The following DPF2 variants were observed in gnomAD, a reference collection of about 807,000 sequenced individuals.
DPF2 encodes the protein double PHD fingers 2, also known as zinc finger protein ubi-d4.
A neutral mutation model predicts 59.6 loss-of-function variants in DPF2; 10 were observed. The ratio of observed to expected loss-of-function variants is 0.17; its 90% CI spans 0.10 to 0.28. The LOEUF (loss-of-function observed/expected upper bound fraction) is 0.28, where lower values mean the gene tolerates loss of function less well. Among genes scored for constraint, DPF2 ranks in the 10% least tolerant of loss-of-function variants. The probability of loss-of-function intolerance (pLI) is 1.00; values close to 1 mark genes in which losing one functional copy is unlikely to be tolerated. For synonymous variants in DPF2, 189 were observed against 190.6 expected, an observed-to-expected ratio of 0.99 and a Z score of 0.07; for missense variants, 315 against 509.4, an observed-to-expected ratio of 0.62 and a Z score of 3.67.
chr11:65,342,389 G>A (rs1033485778), intron 4 of DPF2, among the ~76,000 whole-genome samples: 5 of 151,360 alleles, frequency 3.3e-5, no homozygotes, highest in Admixed American at 1.3e-4. Flanking sequence ...GATTGAAGCT[G>A]TAGCTCTGCT....
At chr11:65,344,139 G>A (rs1183550431) in intron 6 of DPF2, 70 bp downstream of exon 6, 4 of 1,509,186 alleles carry the variant, frequency 2.7e-6, no homozygotes, top group Non-Finnish European at 3.7e-6. Context: ...ATGAGAGGAG[G>A]GAGGGTTGTG....
chr11:65,341,782 GTTA>G (rs1854382146), intron 4 of DPF2: 4 of 556,658 alleles, frequency 7.2e-6, no homozygotes, highest in Non-Finnish European at 1.2e-5. Flanking sequence ...ATCACAGAAG[GTTA>G]TTATTATACA....
In DPF2 at chr11:65,343,646, C is replaced by T. The variant is rs4647582; in HGVS notation, c.466-99C>T. The T allele has an allele frequency of 2.5e-3, 2,825 of 1,144,038 alleles. 25 individuals carry two copies. The East Asian group carries it at 0.031, about 12-fold the overall frequency. The allele number at this position is 1,144,038 out of a possible 1,614,324, so 70.9% of individuals were successfully genotyped here. A position where few individuals can be genotyped will look rare whatever the true frequency, so the allele number is the denominator to read the frequency against. ...AATGAGGCTGGTGTGGGTGGGACCA[C>T]GTCACAGAGGAGGTTCTGGGTGGCC... On this transcript the variant is annotated intron_variant, in intron 4 of 10. Coordinates refer to ENST00000528416, the MANE Select transcript of DPF2 (RefSeq NM_006268.5).
At chr11:65,343,885 G>T in intron 5 of DPF2, 48 bp downstream of exon 5, 1 of 1,587,674 alleles carries the variant, frequency 6.3e-7, no homozygotes, top group East Asian at 2.3e-5. Flanking sequence ...GTGGCCTAGG[G>T]AATTCCTTAT....
At chr11:65,337,473 AAATATATATATAT>A (rs1161480464) in intron 1 of DPF2, among the ~76,000 whole-genome samples, 4 of 43,730 alleles carry the variant, frequency 9.1e-5, no homozygotes, top group African/African-American at 2.7e-4. Flanking sequence ...AAAAAAAAAA[AAATATATATATAT>A]ATATATATAT....
chr11:65,340,653 C>G (rs968447667), intron 2 of DPF2, 108 bp downstream of exon 2: 28 of 1,441,460 alleles, frequency 1.9e-5, no homozygotes, highest in Non-Finnish European at 2.3e-5. Context: ...TGCCTTCCAC[C>G]TATGGATGAA....
At chr11:65,350,025 C>T (rs891134058) in intron 10 of DPF2, among the ~76,000 whole-genome samples, 2 of 152,184 alleles carry the variant, frequency 1.3e-5, no homozygotes, top group Non-Finnish European at 2.9e-5. Flanking sequence ...TAGGGGAGTA[C>T]TCAGCTTCTG....
At chr11:65,346,693 T>G in intron 9 of DPF2, 7 of 196,882 alleles carry the variant, frequency 3.6e-5, no homozygotes, top group Non-Finnish European at 3.1e-5. Flanking sequence ...ATCAGTACTG[T>G]GGCAGAGAAT....
intron 6 of DPF2, chr11:65,344,747 A>G (rs1854478535): frequency 9.2e-7 from 1 of 1,086,004 alleles, no homozygotes; most frequent in Non-Finnish European, 1.3e-6. Context: ...TGGGGGTAGG[A>G]GCAGTGGAAT....
In DPF2 at chr11:65,345,949, A is replaced by C. The variant is rs749275482; in HGVS notation, c.795A>C (p.Gly265=). Residue 265 remains glycine, a synonymous_variant, in exon 8 of 11, where the codon GGA becomes GGC. Transcript: ENST00000528416. The part of the protein sequence containing the change: ...EEQKSKKGPD[G]LALPNNYCDF... ...CTGTAGCCAAAAAGGGTCCTGATGG[A>C]TTGGCCTTGCCCAACAACTACTGTG... The C allele has an allele frequency of 1.2e-6, 2 of 1,614,024 alleles. No homozygotes were observed. Among genetic ancestry groups the C allele is most frequent in the African/African-American group, 2.7e-5 (2 of 74,912 alleles).
rs1406468752 is a variant in DPF2, at chr11:65,335,679, C to T, written c.32+1761C>T. Among the ~76,000 whole-genome samples the T allele has an allele frequency of 2.6e-5, 4 of 152,326 alleles. No homozygotes were observed. The South Asian group carries it at 8.3e-4, about 32-fold the overall frequency. ...AATACGTACTCCCACAGAATTATCCCTTTAAGAAGGGGCTTCTATTCTTCC... is the reference window on the plus strand; with the variant it reads ...AATACGTACTCCCACAGAATTATCCTTTTAAGAAGGGGCTTCTATTCTTCC... On this transcript the variant is annotated intron_variant, in intron 1 of 10. Coordinates refer to ENST00000528416, the MANE Select transcript of DPF2 (RefSeq NM_006268.5).
chr11:65,349,946 C>T (rs916388630), intron 10 of DPF2, among the ~76,000 whole-genome samples: 4 of 152,126 alleles, frequency 2.6e-5, no homozygotes, highest in East Asian at 1.9e-4. Context: ...TGTAACATAT[C>T]GGTCAAACTG....
Position 65,351,788 on chromosome 11 carries a change from T to C in DPF2, c.*29T>C, listed in dbSNP as rs764748473. The C allele has an allele frequency of 9.3e-6, 15 of 1,604,864 alleles. No individual in the cohort carries two copies. Among genetic ancestry groups the C allele is most frequent in the Non-Finnish European group, 1.2e-5 (14 of 1,173,144 alleles). ...GGCCACCCACCTGCTCCCCGACATATCTAAGGCTGTTTCTCTCCTCCACTT... is the reference window on the plus strand; with the variant it reads ...GGCCACCCACCTGCTCCCCGACATACCTAAGGCTGTTTCTCTCCTCCACTT... On this transcript the variant is annotated 3_prime_UTR_variant, in exon 11 of 11. Transcript: ENST00000528416.
At chr11:65,333,971 G>A in intron 1 of DPF2, 53 bp downstream of exon 1, 1 of 1,604,994 alleles carries the variant, frequency 6.2e-7, no homozygotes, top group South Asian at 1.1e-5. Context: ...AAAGGGCCTG[G>A]GAGTAGGGGG....
intron 1 of DPF2, 118 bp downstream of exon 1, chr11:65,334,036 C>G: frequency 7.0e-7 from 1 of 1,434,418 alleles, no homozygotes; most frequent in Non-Finnish European, 9.6e-7. Context: ...AGCCATGTTG[C>G]GACTCCTGGT....
At chr11:65,351,477 T>C (rs1374304582) in intron 10 of DPF2, among the ~76,000 whole-genome samples, 5 of 152,234 alleles carry the variant, frequency 3.3e-5, no homozygotes, top group African/African-American at 7.2e-5. Context: ...ATTTCTTTCA[T>C]CTCCATAGAG....
At chr11:65,336,785 C>CAAAAAAAA (rs751170058) in intron 1 of DPF2, among the ~76,000 whole-genome samples, 1 of 65,882 alleles carries the variant, frequency 1.5e-5, no homozygotes. Context: ...GACTCCATCT[C>CAAAAAAAA]AAAAAAAAAA....
At chr11:65,344,217 CCCTGGGAGG>C in intron 6 of DPF2, 148 bp downstream of exon 6, 1 of 781,774 alleles carries the variant, frequency 1.3e-6, no homozygotes, top group Non-Finnish European at 2.1e-6. Context: ...CGTCTGAGAC[CCCTGGGAGG>C]CCTGGGTCCC....
intron 1 of DPF2, among the ~76,000 whole-genome samples, chr11:65,337,496 TATATATATAGAGAGAGAG>T (rs1202508127): frequency 1.8e-3 from 101 of 57,198 alleles, no homozygotes; most frequent in East Asian, 5.7e-3. Context: ...TATATATATA[TATATATATAGAGAGAGAG>T]AGAGAGAGAG....
Sources: allele counts gnomAD v4.1 joint callset (sites outside exome capture counted in the v4.1 genomes callset), GRCh38; gene constraint gnomAD v4.1.1; transcripts MANE v1.5; gene names NCBI Gene and HGNC (gene_info 2026-07-23, HGNC 2026-07-21).